The following FBXO15 variants were observed in gnomAD, a reference collection of about 807,000 sequenced individuals.
FBXO15 encodes the protein F-box protein 15, also known as F-box only protein 15.
FBXO15 carries 30 observed loss-of-function variants against 49.5 expected under a neutral mutation model. The ratio of observed to expected loss-of-function variants is 0.61; its 90% CI spans 0.45 to 0.82. FBXO15 has a LOEUF of 0.82. Ranked by LOEUF, FBXO15 falls within the 40% of genes least tolerant of loss-of-function variation. The pLI, the probability that FBXO15 is intolerant of heterozygous loss-of-function variation, is 0.00. For missense variants in FBXO15, 591 were observed against 631.5 expected (o/e 0.94, Z 0.69); for synonymous variants, 250 against 232.7 (o/e 1.07, Z -0.68).
At chr18:74,079,709 C>G (rs1481728399) in intron 9 of FBXO15, among the ~76,000 whole-genome samples, 1 of 152,186 alleles carries the variant, frequency 6.6e-6, no homozygotes, top group East Asian at 1.9e-4. Flanking sequence ...AGTTTTTGCT[C>G]TAGGAACTCA....
At chr18:74,077,737 T>C (rs1470547579) in intron 9 of FBXO15, among the ~76,000 whole-genome samples, 1 of 152,148 alleles carries the variant, frequency 6.6e-6, no homozygotes, top group Non-Finnish European at 1.5e-5. Flanking sequence ...GGCTCTGTCT[T>C]TGGCAGGCAG....
At position 74,147,795 on chromosome 18, in the gene FBXO15, G is replaced by A; in HGVS notation, c.-10C>T. The A allele has an allele frequency of 2.0e-6, 3 of 1,527,422 alleles. No individual in the cohort carries two copies. The highest frequency in any genetic ancestry group is 1.4e-5 in the African/African-American group (1 of 71,516). 94.6% of individuals were successfully genotyped at this position (1,527,422 alleles called of 1,614,324 possible). A position where few individuals can be genotyped will look rare whatever the true frequency, so the allele number is the denominator to read the frequency against. On this transcript the variant is annotated 5_prime_UTR_variant, in exon 1 of 10. Transcript: ENST00000419743. ...CGCGTCCAGTCGCCATAGAGACAAG[G>A]AGTTCACCACAGGACCGCGCCAGGG...
chr18:74,086,356 T>A (rs1056942513), intron 8 of FBXO15, among the ~76,000 whole-genome samples: 1 of 152,230 alleles, frequency 6.6e-6, no homozygotes, highest in African/African-American at 2.4e-5. Context: ...CTCCTACCTC[T>A]GAGGCCCATA....
chr18:74,138,668 C>T (rs945070266), intron 2 of FBXO15, among the ~76,000 whole-genome samples: 1 of 152,106 alleles, frequency 6.6e-6, no homozygotes, highest in Non-Finnish European at 1.5e-5. Context: ...TCCTCCTTTG[C>T]ACCTATCCCA....
rs1912222046 is a variant in FBXO15 at position 74,075,516 on chromosome 18, G to C, written c.1264-1786C>G. Among the ~76,000 whole-genome samples the C allele has an allele frequency of 6.6e-6, 1 of 152,216 alleles. No homozygotes were observed. The highest frequency in any genetic ancestry group is 2.4e-5 in the African/African-American group (1 of 41,444). On this transcript the variant is annotated intron_variant, in intron 9 of 9. Coordinates refer to ENST00000419743, the MANE Select transcript of FBXO15 (RefSeq NM_001142958.2). This position sits in a 1 kb window ranked among gnomAD's most constrained non-coding sequence, Gnocchi z 4.1. The stretch of plus-strand genomic sequence containing the variant: ...GGAAACAGCCTCCCTGGGCCCCGCA[G>C]GCCCCTGCTCTTTCCTCGCTTCCCA...
chr18:74,114,511 A>G (rs1022515094), intron 8 of FBXO15, among the ~76,000 whole-genome samples: 3 of 152,210 alleles, frequency 2.0e-5, no homozygotes, highest in African/African-American at 7.2e-5. Flanking sequence ...TACATTTCCA[A>G]AAGAATAGAA....
chr18:74,125,808 A>T (rs1050250468), intron 6 of FBXO15, among the ~76,000 whole-genome samples, 167 bp downstream of exon 6: 3 of 152,246 alleles, frequency 2.0e-5, no homozygotes, highest in African/African-American at 7.2e-5. Flanking sequence ...TCGGTGGAAC[A>T]GAGAGGGCCA....
chr18:74,147,810 C>G lies in FBXO15; in HGVS notation c.-25G>C, dbSNP rs1403369424. The G allele has an allele frequency of 1.3e-6, 2 of 1,500,828 alleles. No individual in the cohort carries two copies. Among genetic ancestry groups the G allele is most frequent in the Non-Finnish European group, 1.8e-6 (2 of 1,126,054 alleles). The allele number at this position is 1,500,828 out of a possible 1,614,324, so 93.0% of individuals were successfully genotyped here. A position where few individuals can be genotyped will look rare whatever the true frequency, so the allele number is the denominator to read the frequency against. On this transcript the variant is annotated 5_prime_UTR_variant, in exon 1 of 10. Coordinates refer to ENST00000419743, the MANE Select transcript of FBXO15 (RefSeq NM_001142958.2). ...TAGAGACAAGGAGTTCACCACAGGA[C>G]CGCGCCAGGGCTGAAACGAAGAGTG...
intron 8 of FBXO15, among the ~76,000 whole-genome samples, chr18:74,089,724 G>A (rs764840517): frequency 8.5e-5 from 13 of 152,058 alleles, no homozygotes; most frequent in South Asian, 2.1e-4. Context: ...CACATTTATC[G>A]ATTTGCATAT....
intron 3 of FBXO15, among the ~76,000 whole-genome samples, chr18:74,132,505 T>G (rs1220031429): frequency 6.6e-6 from 1 of 152,224 alleles, no homozygotes; most frequent in Admixed American, 6.5e-5. Flanking sequence ...ATTCGTATGA[T>G]GAACTATGTT....
At chr18:74,146,505 G>A (rs1979419962) in intron 1 of FBXO15, among the ~76,000 whole-genome samples, 1 of 152,136 alleles carries the variant, frequency 6.6e-6, no homozygotes, top group Non-Finnish European at 1.5e-5. Flanking sequence ...CCCTAATAGA[G>A]CACTATGTAA....
chr18:74,139,815 C>T (rs1404404710), intron 2 of FBXO15, among the ~76,000 whole-genome samples: 1 of 152,112 alleles, frequency 6.6e-6, no homozygotes, highest in Non-Finnish European at 1.5e-5. Flanking sequence ...CAGAATCTTG[C>T]CATGGCAAAT....
chr18:74,091,214 C>A (rs990181993), intron 8 of FBXO15, among the ~76,000 whole-genome samples: 2 of 151,938 alleles, frequency 1.3e-5, no homozygotes, highest in African/African-American at 4.8e-5. Flanking sequence ...GAATAGTAAC[C>A]CCTGCTTTTT....
intron 9 of FBXO15, chr18:74,076,186 G>C (rs993784136): frequency 6.6e-6 from 1 of 152,314 alleles, no homozygotes; most frequent in African/African-American, 2.4e-5. Flanking sequence ...AATCCCGTTA[G>C]TTCTTACCTC....
At chr18:74,094,853 C>T (rs555664422) in intron 8 of FBXO15, among the ~76,000 whole-genome samples, 1 of 152,318 alleles carries the variant, frequency 6.6e-6, no homozygotes, top group South Asian at 2.1e-4. Flanking sequence ...TGGCTCCTTC[C>T]CATGGAAGAC....
intron 2 of FBXO15, 57 bp from the exon 3 acceptor site, chr18:74,135,923 C>A: frequency 7.2e-7 from 1 of 1,391,624 alleles, no homozygotes; most frequent in Admixed American, 2.0e-5. Flanking sequence ...GCTTAATCTG[C>A]AGATTACCCA....
Position 74,135,794 on chromosome 18 carries a change from C to A in FBXO15, c.300G>T (p.Val100=), listed in dbSNP as rs775657188. 12 of 1,610,474 alleles carry A rather than the reference C, an allele frequency of 7.5e-6. No individual in the cohort carries two copies. The highest frequency in any genetic ancestry group is 1.3e-5 in the African/African-American group (1 of 74,674). ...DAVSLLCTGC[V]SRRFYHLAND... ...TGGCTAGATGATAAAAGCGCCTGCT[C>A]ACACATCCAGTACACAGAAGGCTCA... The change falls in exon 3 of 10, where the codon GTG becomes GTT. Residue 100 remains valine (V), a synonymous_variant. Transcript: ENST00000419743.
intron 8 of FBXO15, among the ~76,000 whole-genome samples, chr18:74,105,397 G>A (rs575913440): frequency 6.6e-6 from 1 of 152,094 alleles, no homozygotes; most frequent in South Asian, 2.1e-4. Flanking sequence ...CATGTATCCT[G>A]AAAATATGTA....
chr18:74,131,947 C>T (rs187401761), intron 3 of FBXO15, among the ~76,000 whole-genome samples: 8 of 152,300 alleles, frequency 5.3e-5, no homozygotes, highest in Non-Finnish European at 8.8e-5. Context: ...TTCTCAAACA[C>T]GTGACTTTGG....
Sources: gnomAD v4.1 joint callset for allele counts (sites outside exome capture counted in the v4.1 genomes callset) on GRCh38, gnomAD v4.1.1 for gene constraint, Gnocchi (gnomAD v3.1) non-coding constraint, MANE v1.5 for transcripts, NCBI Gene and HGNC (gene_info 2026-07-23, HGNC 2026-07-21) for gene names.